The following ARHGAP26 variants were observed in gnomAD, a reference collection of about 807,000 sequenced individuals.
ARHGAP26 encodes rho GTPase-activating protein 26.
A neutral mutation model predicts 104.8 loss-of-function variants in ARHGAP26; 38 were observed. The ratio of observed to expected loss-of-function variants is 0.36; its 90% CI spans 0.28 to 0.48. The LOEUF (loss-of-function observed/expected upper bound fraction) is 0.48, where lower values mean the gene tolerates loss of function less well. Ranked by LOEUF, ARHGAP26 falls within the 20% of genes least tolerant of loss-of-function variation. The pLI, the probability that ARHGAP26 is intolerant of heterozygous loss-of-function variation, is 0.99. For missense variants in ARHGAP26, 704 were observed against 947.9 expected, an observed-to-expected ratio of 0.74 and a Z score of 3.38; for synonymous variants, 341 against 340.0, an observed-to-expected ratio of 1.00 and a Z score of -0.03.
At chr5:143,053,988 A>G (rs376564007) in intron 14 of ARHGAP26, among the ~76,000 whole-genome samples, 23 of 152,150 alleles carry the variant, frequency 1.5e-4, no homozygotes, top group Non-Finnish European at 2.9e-4. Context: ...TCATTCTTCT[A>G]TCGTTGGACA....
At chr5:143,078,864 G>A (rs1789417047) in intron 17 of ARHGAP26, among the ~76,000 whole-genome samples, 1 of 152,138 alleles carries the variant, frequency 6.6e-6, no homozygotes, top group African/African-American at 2.4e-5. Context: ...TTTCTTGATG[G>A]CTGACTGGTG....
At chr5:143,105,539 C>T (rs965423158) in intron 17 of ARHGAP26, among the ~76,000 whole-genome samples, 1 of 152,064 alleles carries the variant, frequency 6.6e-6, no homozygotes, top group African/African-American at 2.4e-5. Context: ...GTGTGGGAAT[C>T]ATATGTGGGT....
intron 17 of ARHGAP26, among the ~76,000 whole-genome samples, chr5:143,102,726 C>CAT (rs1285956226): frequency 6.6e-6 from 1 of 152,244 alleles, no homozygotes. Context: ...ACGTTCTCTG[C>CAT]ATATACTCCA....
Position 143,149,430 on chromosome 5 carries a change from C to G in ARHGAP26, c.1988+2049C>G, listed in dbSNP as rs145394869. ...CCTGAGTGAGAGCCATGTCAAAGTC[C>G]CCCATAAGCTCTGCAGGCAGGCTCG... On this transcript the variant is annotated intron_variant, in intron 20 of 22. Transcript: ENST00000645722. 2.0e-3 allele frequency among the ~76,000 whole-genome samples: 297 copies of G among 152,232 alleles called. 1 individual carries two copies. The highest frequency in any genetic ancestry group is 6.9e-3 in the African/African-American group (286 of 41,538).
intron 1 of ARHGAP26, among the ~76,000 whole-genome samples, chr5:142,775,730 T>A (rs1198896594): frequency 6.6e-6 from 1 of 152,212 alleles, no homozygotes; most frequent in African/African-American, 2.4e-5. Context: ...TATACAATAT[T>A]TGTCATAAAT....
chr5:143,189,084 G>A (rs1414973693), intron 20 of ARHGAP26, among the ~76,000 whole-genome samples: 1 of 152,214 alleles, frequency 6.6e-6, no homozygotes, highest in Non-Finnish European at 1.5e-5. Context: ...ATTTCTTGCA[G>A]GAAAAGTATG....
intron 20 of ARHGAP26, chr5:143,170,454 T>C (rs1246402554): frequency 6.6e-6 from 1 of 152,214 alleles, no homozygotes; most frequent in African/African-American, 2.4e-5. Context: ...GGAATCACAT[T>C]GAGCGGCTGG....
At chr5:143,031,074 A>G (rs1359490828) in intron 12 of ARHGAP26, among the ~76,000 whole-genome samples, 1 of 152,256 alleles carries the variant, frequency 6.6e-6, no homozygotes. Context: ...TGGGAGCCAA[A>G]GGCTCCCGTG....
chr5:142,879,474 T>G, intron 4 of ARHGAP26, 29 bp downstream of exon 4: 1 of 1,589,562 alleles, frequency 6.3e-7, no homozygotes, highest in Non-Finnish European at 8.6e-7. Context: ...TTGGTCTGGA[T>G]TTTAGGGTGA....
At chr5:143,190,273 A>C (rs1256419528) in intron 20 of ARHGAP26, among the ~76,000 whole-genome samples, 4 of 152,192 alleles carry the variant, frequency 2.6e-5, no homozygotes. Context: ...ACAGTTTTAA[A>C]TATTTTTCTT....
At chr5:142,786,836 G>A (rs1351691637) in intron 1 of ARHGAP26, among the ~76,000 whole-genome samples, 2 of 151,632 alleles carry the variant, frequency 1.3e-5, no homozygotes, top group African/African-American at 2.4e-5. Flanking sequence ...TAGTAGAGAC[G>A]GGGTTTCACC....
chr5:143,188,989 C>A (rs1012087115), intron 20 of ARHGAP26, among the ~76,000 whole-genome samples: 5 of 152,184 alleles, frequency 3.3e-5, no homozygotes, highest in Non-Finnish European at 7.3e-5. Flanking sequence ...GCGACATACT[C>A]TTTTAAGGGT....
At chr5:143,049,515 T>TTA (rs1784686264) in intron 14 of ARHGAP26, among the ~76,000 whole-genome samples, 1 of 152,218 alleles carries the variant, frequency 6.6e-6, no homozygotes, top group Non-Finnish European at 1.5e-5. Flanking sequence ...AGGATTTTAC[T>TTA]TATATGACAG....
intron 17 of ARHGAP26, among the ~76,000 whole-genome samples, chr5:143,100,740 G>A (rs951966449): frequency 1.3e-5 from 2 of 152,180 alleles, no homozygotes; most frequent in African/African-American, 4.8e-5. Flanking sequence ...ATTTTCATAA[G>A]GTGCTCCTTT....
At chr5:142,821,383 A>G (rs996881322) in intron 1 of ARHGAP26, among the ~76,000 whole-genome samples, 4 of 142,806 alleles carry the variant, frequency 2.8e-5, no homozygotes, top group South Asian at 2.2e-4. Flanking sequence ...TTGATGGCCC[A>G]TAGTAGAGTT....
intron 20 of ARHGAP26, among the ~76,000 whole-genome samples, chr5:143,188,853 T>C (rs1805507433): frequency 6.6e-6 from 1 of 152,196 alleles, no homozygotes; most frequent in Non-Finnish European, 1.5e-5. Context: ...GTGTAATAAC[T>C]GTAGTATCAA....
At chr5:143,057,025 A>C (rs1242820107) in intron 16 of ARHGAP26, among the ~76,000 whole-genome samples, 2 of 152,188 alleles carry the variant, frequency 1.3e-5, no homozygotes, top group African/African-American at 2.4e-5. Flanking sequence ...CCATCAGTCT[A>C]TTTGCCAGAG....
chr5:142,885,440 T>C (rs1247873883), intron 5 of ARHGAP26, 41 bp downstream of exon 5: 1 of 1,538,522 alleles, frequency 6.5e-7, no homozygotes. Flanking sequence ...GTGTTCAATT[T>C]GTACATGATG....
At chr5:142,963,219 TGCGC>T (rs373802301) in intron 11 of ARHGAP26, among the ~76,000 whole-genome samples, 38,612 of 127,446 alleles carry the variant, frequency 0.3, 6,617 homozygotes, top group East Asian at 0.7. Flanking sequence ...TGTGTGTGTG[TGCGC>T]GTGTGTGTGT....
Sources: allele counts gnomAD v4.1 joint callset (sites outside exome capture counted in the v4.1 genomes callset), GRCh38; gene constraint gnomAD v4.1.1; transcripts MANE v1.5; gene names NCBI Gene and HGNC (gene_info 2026-07-23, HGNC 2026-07-21).